The following GABRB2 variants were observed in gnomAD, a reference collection of about 807,000 sequenced individuals.
GABRB2 encodes gamma-aminobutyric acid receptor subunit beta-2.
GABRB2 carries 16 observed loss-of-function variants against 54.7 expected under a neutral mutation model. That is an observed-to-expected ratio of 0.29 (90% CI 0.20 to 0.44). The LOEUF is 0.44. Among genes scored for constraint, GABRB2 ranks in the 20% least tolerant of loss-of-function variants. The pLI is 1.00. For missense variants in GABRB2, 355 were observed against 644.0 expected, an observed-to-expected ratio of 0.55 and a Z score of 4.86; for synonymous variants, 244 against 233.8, an observed-to-expected ratio of 1.04 and a Z score of -0.40.
chr5:161,355,238 T>C (rs1433912747), intron 5 of GABRB2, among the ~76,000 whole-genome samples: 1 of 150,672 alleles, frequency 6.6e-6, no homozygotes, highest in East Asian at 1.9e-4. Flanking sequence ...TGTAAATTCC[T>C]AGAGGGCAAA....
chr5:161,369,282 G>A (rs961321671), intron 5 of GABRB2, among the ~76,000 whole-genome samples: 1 of 152,092 alleles, frequency 6.6e-6, no homozygotes, highest in Non-Finnish European at 1.5e-5. Flanking sequence ...CCATTGAATT[G>A]TTCTCAATCA....
At chr5:161,386,623 A>G (rs995991597) in intron 5 of GABRB2, among the ~76,000 whole-genome samples, 1 of 151,998 alleles carries the variant, frequency 6.6e-6, no homozygotes, top group Non-Finnish European at 1.5e-5. Flanking sequence ...TCTGCCTCCC[A>G]GGCTCAAGTG....
chr5:161,412,184 G>A (rs890484548), intron 4 of GABRB2, among the ~76,000 whole-genome samples: 1 of 152,166 alleles, frequency 6.6e-6, no homozygotes, highest in Admixed American at 6.5e-5. Flanking sequence ...GGTAGACTGA[G>A]CCTATGGAAT....
intron 5 of GABRB2, among the ~76,000 whole-genome samples, chr5:161,380,043 A>G (rs1430201703): frequency 6.6e-6 from 1 of 152,110 alleles, no homozygotes; most frequent in Non-Finnish European, 1.5e-5. Context: ...AAACTTATCT[A>G]TGTGTCCCTA....
chr5:161,467,207 T>C (rs1758304408), intron 3 of GABRB2, among the ~76,000 whole-genome samples: 1 of 152,120 alleles, frequency 6.6e-6, no homozygotes, highest in African/African-American at 2.4e-5. Context: ...AACAGCTTTG[T>C]CTCCAAAATT....
chr5:161,435,393 A>T (rs1757279692), intron 4 of GABRB2, among the ~76,000 whole-genome samples: 1 of 152,208 alleles, frequency 6.6e-6, no homozygotes, highest in Non-Finnish European at 1.5e-5. Context: ...TTAAATGGAC[A>T]TATAATCACA....
intron 4 of GABRB2, among the ~76,000 whole-genome samples, chr5:161,418,736 G>A (rs185886907): frequency 1.8e-4 from 28 of 152,164 alleles, no homozygotes; most frequent in Admixed American, 6.5e-4. Flanking sequence ...TTGCAAACTA[G>A]GCATCTGACA....
At chr5:161,408,000 C>T (rs1222104798) in intron 5 of GABRB2, among the ~76,000 whole-genome samples, 1 of 152,064 alleles carries the variant, frequency 6.6e-6, no homozygotes, top group South Asian at 2.1e-4. Context: ...TACTTTATTT[C>T]AAGGCTTGCT....
At chr5:161,506,834 G>A (rs996671523) in intron 3 of GABRB2, among the ~76,000 whole-genome samples, 5 of 152,036 alleles carry the variant, frequency 3.3e-5, no homozygotes, top group African/African-American at 1.2e-4. Flanking sequence ...GCAATACAAT[G>A]AGAAAAGGTC....
rs1167403756 is a variant in GABRB2 at position 161,293,748 on chromosome 5, G to A, written c.*333C>T. ...AGTATCTGGTTATGACCAAATGACT[G>A]ACAATGCTGTTGAGCCTTCTAAGAA... On this transcript the variant is annotated 3_prime_UTR_variant, in exon 10 of 10. Transcript: ENST00000393959. The A allele has an allele frequency of 8.1e-6, 2 of 246,092 alleles. No individual in the cohort carries two copies. The highest frequency in any genetic ancestry group is 4.5e-5 in the African/African-American group (2 of 44,828). The allele number at this position is 246,092 out of a possible 1,614,324, so 15.2% of individuals were successfully genotyped here.
At chr5:161,417,186 A>C (rs983425240) in intron 4 of GABRB2, among the ~76,000 whole-genome samples, 1 of 152,196 alleles carries the variant, frequency 6.6e-6, no homozygotes, top group African/African-American at 2.4e-5. Context: ...TTTCCCTTAT[A>C]ATATGCTCTT....
At chr5:161,479,585 A>ATTTT (rs10691457) in intron 3 of GABRB2, among the ~76,000 whole-genome samples, 4 of 137,650 alleles carry the variant, frequency 2.9e-5, no homozygotes, top group East Asian at 2.2e-4. Context: ...CATTGAAACA[A>ATTTT]TTTTTTTTTT....
At chr5:161,310,673 GCGCGCA>G (rs1757836878) in intron 9 of GABRB2, among the ~76,000 whole-genome samples, 4 of 120,154 alleles carry the variant, frequency 3.3e-5, no homozygotes, top group African/African-American at 1.4e-4. Flanking sequence ...GCACGCGCAC[GCGCGCA>G]CACACACACA....
chr5:161,430,865 G>T (rs1757154268), intron 4 of GABRB2, among the ~76,000 whole-genome samples: 1 of 152,068 alleles, frequency 6.6e-6, no homozygotes, highest in South Asian at 2.1e-4. Context: ...TGGTAAAGCA[G>T]AAGTAAGAAT....
At chr5:161,365,309 G>A (rs999227349) in intron 5 of GABRB2, among the ~76,000 whole-genome samples, 9 of 152,218 alleles carry the variant, frequency 5.9e-5, no homozygotes, top group Admixed American at 1.3e-4. Flanking sequence ...TCTTTAGTCC[G>A]TATTAAGTTC....
chr5:161,541,214 A>C (rs1760802566), intron 3 of GABRB2, among the ~76,000 whole-genome samples: 1 of 151,884 alleles, frequency 6.6e-6, no homozygotes, highest in Non-Finnish European at 1.5e-5. Context: ...TGGGCTTAAA[A>C]TGTTCAATAA....
At chr5:161,421,516 T>C (rs78964185) in intron 4 of GABRB2, among the ~76,000 whole-genome samples, 6,196 of 152,296 alleles carry the variant, frequency 0.041, 161 homozygotes, top group Middle Eastern at 0.075. Flanking sequence ...GGGCAACATA[T>C]TCTGTGGCTG....
At chr5:161,341,061 T>A (rs2113415700) in intron 5 of GABRB2, among the ~76,000 whole-genome samples, 1 of 152,106 alleles carries the variant, frequency 6.6e-6, no homozygotes, top group South Asian at 2.1e-4. Context: ...TGCTATTGCA[T>A]CATTGGTTTC....
intron 4 of GABRB2, among the ~76,000 whole-genome samples, chr5:161,458,973 T>C (rs1172538168): frequency 7.4e-6 from 1 of 135,340 alleles, no homozygotes; most frequent in Non-Finnish European, 1.7e-5. Flanking sequence ...ATATTTTTTC[T>C]TCTTTTTTTC....
Sources: gnomAD v4.1 joint callset for allele counts (sites outside exome capture counted in the v4.1 genomes callset) on GRCh38, gnomAD v4.1.1 for gene constraint, MANE v1.5 for transcripts, NCBI Gene and HGNC (gene_info 2026-07-23, HGNC 2026-07-21) for gene names.